BCAS3: variants seen among roughly 807,000 people sequenced by gnomAD.
BCAS3 encodes the protein BCAS4/BCAS3 fusion.
In BCAS3, 53 loss-of-function variants were observed where a neutral mutation model predicts 116.1. The ratio of observed to expected loss-of-function variants is 0.46; its 90% confidence interval spans 0.37 to 0.57. BCAS3 has a LOEUF of 0.57. BCAS3 is among the 20% of genes least tolerant of loss of function. The pLI, the probability that BCAS3 is intolerant of heterozygous loss-of-function variation, is 0.00. For synonymous variants in BCAS3, 391 were observed against 408.2 expected (o/e 0.96, Z 0.51); for missense variants, 917 against 1,165.4 (o/e 0.79, Z 3.10).
rs1313064240 is a variant in BCAS3 at position 61,226,454 on chromosome 17, T to A, written c.2426-141873T>A. On this transcript the variant is annotated intron_variant, in intron 22 of 23. Transcript: ENST00000407086. The surrounding 1 kb of genome is among the most constrained non-coding windows in gnomAD (Gnocchi z 6.0). ...GGAGATCTTTGTTAAGTGGATTTTA[T>A]GCTTGCTTCTTAAAATATATTGAAT... Among the ~76,000 whole-genome samples, 2 of 152,238 alleles carry A rather than the reference T, an allele frequency of 1.3e-5. No individual in the cohort carries two copies. The highest frequency in any genetic ancestry group is 4.8e-5 in the African/African-American group (2 of 41,476).
rs371409830 is a variant in BCAS3, at chr17:60,807,970, C to G, written c.404-34C>G. 10 of 1,461,478 alleles carry G rather than the reference C, an allele frequency of 6.8e-6. No individual in the cohort carries two copies. In the South Asian group the frequency reaches 8.3e-5, roughly 12 times the overall value. 90.5% of individuals were successfully genotyped at this position (1,461,478 alleles called of 1,614,324 possible). ...GTGGGAATTATACAATAATATTCCT[C>G]AAAGCTTACAATTTATTTTATCCTT... is the stretch of plus-strand genomic sequence containing the variant. On this transcript the variant is annotated intron_variant, in intron 6 of 23. Coordinates refer to ENST00000407086, the MANE Select transcript of BCAS3 (RefSeq NM_017679.5).
At chr17:60,777,962 A>C (rs184142841) in intron 6 of BCAS3, among the ~76,000 whole-genome samples, 1 of 152,188 alleles carries the variant, frequency 6.6e-6, no homozygotes, top group African/African-American at 2.4e-5. Flanking sequence ...CAATTCCTAA[A>C]AATGAACATA....
rs114510845 is a variant in BCAS3, at chr17:60,689,889, A to G, written c.214+128A>G. 2.6e-3 allele frequency: 1,637 copies of G among 640,638 alleles called. 15 individuals carry two copies. Among genetic ancestry groups the G allele is most frequent in the African/African-American group, 0.024 (1,291 of 54,402 alleles). 39.7% of individuals were successfully genotyped at this position (640,638 alleles called of 1,614,324 possible). A position where few individuals can be genotyped will look rare whatever the true frequency, so the allele number is the denominator to read the frequency against. On this transcript the variant is annotated intron_variant, in intron 4 of 23. Coordinates refer to ENST00000407086, the MANE Select transcript of BCAS3 (RefSeq NM_017679.5). The stretch of plus-strand genomic sequence containing the variant: ...AGTAATTTTTCAGTTTTCAAAATAA[A>G]AGGTAGCATAACCGCAGTACAGAAA...
intron 10 of BCAS3, 42 bp from the exon 11 acceptor site, chr17:60,902,578 A>G: frequency 6.8e-7 from 1 of 1,468,510 alleles, no homozygotes; most frequent in Non-Finnish European, 9.5e-7. Flanking sequence ...TAAACAGATT[A>G]ATAGAAATGA....
rs1057454235 is a variant in BCAS3 at position 61,137,468 on chromosome 17, T to C, written c.2425+52904T>C. Among the ~76,000 whole-genome samples, 29 of 152,220 alleles carry C rather than the reference T, an allele frequency of 1.9e-4. 1 individual carries two copies. The highest frequency in any genetic ancestry group is 6.3e-4 in the African/African-American group (26 of 41,464). On this transcript the variant is annotated intron_variant, in intron 22 of 23. Coordinates refer to ENST00000407086, the MANE Select transcript of BCAS3 (RefSeq NM_017679.5). ...TAAATAATGGGAGCATTATTTTTGT[T>C]CAAAATGCTAAAAACTGGGGCCAGG...
At position 61,196,981 on chromosome 17, in the gene BCAS3, A is replaced by G. The variant is rs897465341; in HGVS notation, c.2425+112417A>G. Among the ~76,000 whole-genome samples, 3 of 152,224 alleles carry G rather than the reference A, an allele frequency of 2.0e-5. No individual in the cohort carries two copies. Among genetic ancestry groups the G allele is most frequent in the African/African-American group, 7.2e-5 (3 of 41,460 alleles). On this transcript the variant is annotated intron_variant, in intron 22 of 23. Transcript: ENST00000407086. This position sits in a 1 kb window ranked among gnomAD's most constrained non-coding sequence, Gnocchi z 4.7. ...ATTGTGGTGTTGGCTCACTCCCAGA[A>G]TTTTATCCAAGGGATAGGGTTCATT...
intron 7 of BCAS3, among the ~76,000 whole-genome samples, chr17:60,835,680 C>G (rs2051308454): frequency 6.6e-6 from 1 of 151,980 alleles, no homozygotes; most frequent in African/African-American, 2.4e-5. Flanking sequence ...GAGAGGCTTT[C>G]CTGTATAAAG....
Position 60,967,949 on chromosome 17 carries a change from TTTGTTG to T in BCAS3, c.1221+20621_1221+20626del, listed in dbSNP as rs58004084. Reference sequence around the variant, plus strand: ...AATTTCTGAATTGCTTTTCTGTGTGTTTGTTGTTGTTGTTGTTGTTGTTGTTGTTTT... The same window carrying T: ...AATTTCTGAATTGCTTTTCTGTGTGTTTGTTGTTGTTGTTGTTGTTGTTTT... On this transcript the variant is annotated intron_variant, in intron 14 of 23. Transcript: ENST00000407086. The surrounding 1 kb of genome is among the most constrained non-coding windows in gnomAD (Gnocchi z 4.7). Among the ~76,000 whole-genome samples, 35 of 151,370 alleles carry T rather than the reference TTTGTTG, an allele frequency of 2.3e-4. No individual in the cohort carries two copies. The highest frequency in any genetic ancestry group is 1.5e-3 in the South Asian group (7 of 4,814).
In BCAS3 at chr17:61,179,874, CTTTTTTTT is replaced by C. The variant is rs5821309; in HGVS notation, c.2425+95321_2425+95328del. Among the ~76,000 whole-genome samples, 8 of 124,500 alleles carry C rather than the reference CTTTTTTTT, an allele frequency of 6.4e-5. No individual in the cohort carries two copies. In the East Asian group the frequency reaches 1.6e-3, roughly 25 times the overall value. The allele number at this position is 124,500 out of a possible 152,430, so 81.7% of individuals were successfully genotyped here. A position where few individuals can be genotyped will look rare whatever the true frequency, so the allele number is the denominator to read the frequency against. On this transcript the variant is annotated intron_variant, in intron 22 of 23. Coordinates refer to ENST00000407086, the MANE Select transcript of BCAS3 (RefSeq NM_017679.5). ...TATCACTGTTTTTCTCTCTCTCTCT[CTTTTTTTT>C]TTTTTTTTTTGGCAGCCCAATTTGT...
At chr17:61,201,993 C>T (rs1165118511) in intron 22 of BCAS3, among the ~76,000 whole-genome samples, 2 of 149,952 alleles carry the variant, frequency 1.3e-5, no homozygotes, top group African/African-American at 2.5e-5. Flanking sequence ...CTCCTGACCT[C>T]GTGATCCTCC....
At chr17:61,127,343 AAG>A (rs1409973486) in intron 22 of BCAS3, among the ~76,000 whole-genome samples, 1 of 151,914 alleles carries the variant, frequency 6.6e-6, no homozygotes, top group Admixed American at 6.6e-5. Flanking sequence ...TTATAAATAT[AAG>A]AGTGTTTTCT....
rs2062876239 is a variant in BCAS3 at position 60,982,501 on chromosome 17, A to G, written c.1222-7470A>G. Among the ~76,000 whole-genome samples the G allele has an allele frequency of 2.6e-5, 4 of 152,162 alleles. No individual in the cohort carries two copies. The South Asian group carries it at 8.3e-4, about 32-fold the overall frequency. On this transcript the variant is annotated intron_variant, in intron 14 of 23. Coordinates refer to ENST00000407086, the MANE Select transcript of BCAS3 (RefSeq NM_017679.5). ...TTGAATTCTTTAAAGTACCTTAAAAATAAAGTATCTTAATTTCATTGGTCT... is the reference window on the plus strand; with the variant it reads ...TTGAATTCTTTAAAGTACCTTAAAAGTAAAGTATCTTAATTTCATTGGTCT...
intron 12 of BCAS3, among the ~76,000 whole-genome samples, chr17:60,922,370 C>T (rs1288723822): frequency 3.9e-5 from 6 of 152,230 alleles, no homozygotes; most frequent in Admixed American, 3.9e-4. Flanking sequence ...CGTGATCCCC[C>T]TGCCTCGGCC....
chr17:61,353,077 A>T (rs1481409749), intron 22 of BCAS3, among the ~76,000 whole-genome samples: 1 of 152,088 alleles, frequency 6.6e-6, no homozygotes, highest in African/African-American at 2.4e-5. Context: ...CATCAGTTGA[A>T]TGTCTGCTGG....
chr17:60,831,017 G>A (rs915084541), intron 7 of BCAS3, among the ~76,000 whole-genome samples: 1 of 152,046 alleles, frequency 6.6e-6, no homozygotes, highest in Non-Finnish European at 1.5e-5. Context: ...GACTACAGGT[G>A]TGTCCCACCA....
intron 7 of BCAS3, among the ~76,000 whole-genome samples, chr17:60,830,370 G>C (rs9897692): frequency 0.19 from 28,639 of 152,082 alleles, 3,273 homozygotes; most frequent in African/African-American, 0.32. Context: ...GGTTGCACAA[G>C]TATAGTTGGA....
rs1176467078 is a variant in BCAS3 at position 60,993,413 on chromosome 17, A to G, written c.1486+3178A>G. On this transcript the variant is annotated intron_variant, in intron 15 of 23. Transcript: ENST00000407086. This position sits in a 1 kb window ranked among gnomAD's most constrained non-coding sequence, Gnocchi z 4.2. ...AGAGGAGAATCCACACTGTTCGACT[A>G]TGCTGCTGTACTTAAGATTTTCTTT... Among the ~76,000 whole-genome samples the G allele has an allele frequency of 1.3e-5, 2 of 152,176 alleles. No homozygotes were observed. The highest frequency in any genetic ancestry group is 2.4e-5 in the African/African-American group (1 of 41,452).
chr17:61,022,483 A>G (rs1568144444), intron 16 of BCAS3, among the ~76,000 whole-genome samples: 1 of 152,076 alleles, frequency 6.6e-6, no homozygotes, highest in Non-Finnish European at 1.5e-5. Context: ...TGACCTCGTG[A>G]TCCACCTGCC....
intron 4 of BCAS3, among the ~76,000 whole-genome samples, chr17:60,702,032 A>G (rs2045266044): frequency 6.6e-6 from 1 of 152,126 alleles, no homozygotes; most frequent in African/African-American, 2.4e-5. Flanking sequence ...ATATGTATGT[A>G]TAGATACACA....
Sources: gnomAD v4.1 joint callset for allele counts (sites outside exome capture counted in the v4.1 genomes callset) on GRCh38, gnomAD v4.1.1 for gene constraint, Gnocchi (gnomAD v3.1) non-coding constraint, MANE v1.5 for transcripts, NCBI Gene and HGNC (gene_info 2026-07-23, HGNC 2026-07-21) for gene names.